The following AMPH variants were observed in gnomAD, a reference collection of about 807,000 sequenced individuals.
The protein encoded by AMPH is amphiphysin (Stiff-Mann syndrome with breast cancer 128kD autoantigen).
In AMPH, 49 loss-of-function variants were observed where a neutral mutation model predicts 99.1. The ratio of observed to expected loss-of-function variants is 0.49; its 90% CI spans 0.39 to 0.63. The LOEUF is 0.63. Ranked by LOEUF, AMPH falls within the 20% of genes least tolerant of loss-of-function variation. The pLI is 0.00. For missense variants in AMPH, 759 were observed against 863.4 expected (o/e 0.88, Z 1.52); for synonymous variants, 314 against 317.3 (o/e 0.99, Z 0.11).
chr7:38,513,600 G>A (rs1198098331), intron 2 of AMPH, among the ~76,000 whole-genome samples: 2 of 152,164 alleles, frequency 1.3e-5, no homozygotes, highest in East Asian at 3.8e-4. Context: ...TCAAAAGAAA[G>A]AAGACTTTTG....
chr7:38,450,174 T>G (rs1786953003), intron 11 of AMPH, among the ~76,000 whole-genome samples: 1 of 152,150 alleles, frequency 6.6e-6, no homozygotes, highest in South Asian at 2.1e-4. Context: ...AGAAATAAGC[T>G]TGGATGTTCA....
intron 12 of AMPH, among the ~76,000 whole-genome samples, chr7:38,432,622 A>ACC (rs1190012257): frequency 2.8e-5 from 4 of 141,842 alleles, no homozygotes; most frequent in South Asian, 2.3e-4. Context: ...ACACACACAC[A>ACC]CCTCATTAAA....
intron 17 of AMPH, among the ~76,000 whole-genome samples, chr7:38,398,904 A>ATGCT (rs1420509347): frequency 6.6e-6 from 1 of 152,258 alleles, no homozygotes; most frequent in Non-Finnish European, 1.5e-5. Flanking sequence ...AACCACCAGC[A>ATGCT]GGTGGCGGCC....
intron 1 of AMPH, among the ~76,000 whole-genome samples, chr7:38,614,155 C>G (rs538069307): frequency 6.6e-6 from 1 of 152,230 alleles, no homozygotes; most frequent in African/African-American, 2.4e-5. Context: ...ACACATCTAG[C>G]CACAAATGAT....
intron 1 of AMPH, among the ~76,000 whole-genome samples, chr7:38,603,647 CAGA>C (rs1271007475): frequency 6.6e-6 from 1 of 152,134 alleles, no homozygotes; most frequent in African/African-American, 2.4e-5. Flanking sequence ...ATGGAGTGTG[CAGA>C]AGAAGAGCCA....
chr7:38,591,502 G>A (rs753183887), intron 1 of AMPH, among the ~76,000 whole-genome samples: 2 of 152,082 alleles, frequency 1.3e-5, no homozygotes, highest in Non-Finnish European at 2.9e-5. Context: ...GGCCAGGCTG[G>A]TCTTGAACTC....
intron 2 of AMPH, among the ~76,000 whole-genome samples, chr7:38,523,273 G>T (rs1392555943): frequency 6.6e-6 from 1 of 152,002 alleles, no homozygotes; most frequent in South Asian, 2.1e-4. Flanking sequence ...TATATATCCT[G>T]TCCACTTAGA....
At chr7:38,425,406 G>A (rs1280588374) in intron 15 of AMPH, among the ~76,000 whole-genome samples, 1 of 152,134 alleles carries the variant, frequency 6.6e-6, no homozygotes, top group East Asian at 1.9e-4. Context: ...TAGAGTATGG[G>A]GTTGAATATG....
chr7:38,402,738 T>G (rs1166441992), intron 17 of AMPH, among the ~76,000 whole-genome samples: 1 of 152,224 alleles, frequency 6.6e-6, no homozygotes, highest in African/African-American at 2.4e-5. Flanking sequence ...TGGATGACAC[T>G]CTCAGATATT....
At chr7:38,385,208 T>C (rs1000999697) in intron 20 of AMPH, among the ~76,000 whole-genome samples, 1 of 152,216 alleles carries the variant, frequency 6.6e-6, no homozygotes, top group Non-Finnish European at 1.5e-5. Flanking sequence ...AAAGCATAGT[T>C]AATTGATATT....
chr7:38,490,997 A>G (rs1035245394), intron 5 of AMPH, 53 bp downstream of exon 5: 1 of 1,175,408 alleles, frequency 8.5e-7, no homozygotes, highest in Non-Finnish European at 1.2e-6. Context: ...CCATGTTTCA[A>G]TAACTACATG....
chr7:38,510,297 G>C (rs935619646), intron 2 of AMPH, among the ~76,000 whole-genome samples: 1 of 152,072 alleles, frequency 6.6e-6, no homozygotes, highest in Non-Finnish European at 1.5e-5. Context: ...AGTCCTGCTG[G>C]ATTAAGGCTC....
chr7:38,557,897 T>TA (rs886753846), intron 1 of AMPH, among the ~76,000 whole-genome samples: 5 of 149,178 alleles, frequency 3.4e-5, no homozygotes, highest in Middle Eastern at 3.2e-3. Context: ...CTACTAAAAA[T>TA]AAAAAAAAAT....
At chr7:38,430,408 T>C (rs1003604275) in intron 13 of AMPH, among the ~76,000 whole-genome samples, 1 of 152,086 alleles carries the variant, frequency 6.6e-6, no homozygotes, top group East Asian at 1.9e-4. Flanking sequence ...CTCCACATAA[T>C]GAAAAAATCT....
chr7:38,599,268 A>G (rs1390501670), intron 1 of AMPH, among the ~76,000 whole-genome samples: 1 of 152,190 alleles, frequency 6.6e-6, no homozygotes, highest in East Asian at 1.9e-4. Flanking sequence ...GCACTGGTCC[A>G]TGGACTTTCT....
intron 2 of AMPH, among the ~76,000 whole-genome samples, chr7:38,509,880 T>TGCTA (rs1789474092): frequency 6.6e-6 from 1 of 152,148 alleles, no homozygotes; most frequent in Non-Finnish European, 1.5e-5. Context: ...TGGGTATAGA[T>TGCTA]GCTAGCTCTA....
At chr7:38,622,537 A>C (rs538089240) in intron 1 of AMPH, among the ~76,000 whole-genome samples, 3 of 152,132 alleles carry the variant, frequency 2.0e-5, no homozygotes, top group African/African-American at 7.2e-5. Context: ...AACTTACAGG[A>C]ATGGATACCA....
At chr7:38,431,433 A>G (rs538135160) in intron 13 of AMPH, among the ~76,000 whole-genome samples, 6 of 152,238 alleles carry the variant, frequency 3.9e-5, no homozygotes, top group African/African-American at 7.2e-5. Context: ...CGAGGCGGGC[A>G]GATCACAAGG....
chr7:38,574,986 G>A (rs111354940), intron 1 of AMPH, among the ~76,000 whole-genome samples: 6,288 of 150,012 alleles, frequency 0.042, 435 homozygotes, highest in African/African-American at 0.15. Context: ...CCCAGGAGGT[G>A]GAGTTTGTAG....
Sources: allele counts gnomAD v4.1 joint callset (sites outside exome capture counted in the v4.1 genomes callset), GRCh38; gene constraint gnomAD v4.1.1; transcripts MANE v1.5; gene names NCBI Gene and HGNC (gene_info 2026-07-23, HGNC 2026-07-21).